MCU: variants seen among roughly 807,000 people sequenced by gnomAD.
MCU encodes mitochondrial calcium uniporter, also known as calcium uniporter protein, mitochondrial.
MCU carries 12 observed loss-of-function variants against 45.2 expected under a neutral mutation model. The observed-to-expected ratio is 0.27, with a 90% CI of 0.17 to 0.43. The LOEUF (loss-of-function observed/expected upper bound fraction) is 0.43. Among genes scored for constraint, MCU ranks in the 20% least tolerant of loss-of-function variants. MCU has a pLI of 1.00. For synonymous variants in MCU, 160 were observed against 165.1 expected (o/e 0.97, Z 0.24); for missense variants, 324 against 436.7 (o/e 0.74, Z 2.30).
chr10:72,742,383 A>G (rs1264832205), intron 1 of MCU, among the ~76,000 whole-genome samples: 4 of 152,132 alleles, frequency 2.6e-5, no homozygotes, highest in Non-Finnish European at 5.9e-5. Flanking sequence ...CATCTTTGTC[A>G]TCATAGGGTT....
chr10:72,752,844 G>C (rs1219957781), intron 1 of MCU, among the ~76,000 whole-genome samples: 1 of 152,190 alleles, frequency 6.6e-6, no homozygotes, highest in Non-Finnish European at 1.5e-5. Flanking sequence ...GGTGGAAGGA[G>C]CCCTTCTTAA....
At chr10:72,759,687 G>A (rs1435102892) in intron 1 of MCU, among the ~76,000 whole-genome samples, 1 of 152,058 alleles carries the variant, frequency 6.6e-6, no homozygotes, top group Non-Finnish European at 1.5e-5. Context: ...CATATTATAG[G>A]GTTGAAGCCT....
At chr10:72,762,461 T>C (rs1843669319) in intron 1 of MCU, among the ~76,000 whole-genome samples, 1 of 151,950 alleles carries the variant, frequency 6.6e-6, no homozygotes, top group Admixed American at 6.6e-5. Context: ...TACATGCAAG[T>C]TCCATGGAAA....
intron 1 of MCU, among the ~76,000 whole-genome samples, chr10:72,822,824 A>G (rs1844734212): frequency 6.6e-6 from 1 of 152,060 alleles, no homozygotes; most frequent in African/African-American, 2.4e-5. Context: ...TGGGCAACAC[A>G]GTGAGACCCT....
At chr10:72,693,458 A>G (rs184158196) in intron 1 of MCU, among the ~76,000 whole-genome samples, 21 of 152,282 alleles carry the variant, frequency 1.4e-4, no homozygotes, top group Admixed American at 5.2e-4. Context: ...TCAACCCTCA[A>G]TAAACACATC....
chr10:72,820,814 G>A (rs769029595), intron 1 of MCU, among the ~76,000 whole-genome samples: 4 of 151,972 alleles, frequency 2.6e-5, no homozygotes, highest in Non-Finnish European at 5.9e-5. Flanking sequence ...GCCCGGCCTG[G>A]TTAGTATTTT....
chr10:72,771,846 A>G (rs142355070), intron 1 of MCU, among the ~76,000 whole-genome samples: 66 of 152,260 alleles, frequency 4.3e-4, no homozygotes, highest in African/African-American at 1.3e-3. Context: ...TACTGGCCCC[A>G]GTAGGGCCAC....
At chr10:72,842,627 C>G (rs1434411793) in intron 2 of MCU, among the ~76,000 whole-genome samples, 1 of 151,994 alleles carries the variant, frequency 6.6e-6, no homozygotes, top group African/African-American at 2.4e-5. Flanking sequence ...CATGTTCTTT[C>G]CTCTTGAATT....
chr10:72,707,611 GT>G (rs1842840236), intron 1 of MCU, among the ~76,000 whole-genome samples: 2 of 132,214 alleles, frequency 1.5e-5, no homozygotes, highest in Non-Finnish European at 3.2e-5. Context: ...TGAGTGGTGT[GT>G]GTGTGTGTGT....
chr10:72,776,709 C>T (rs558915590), intron 1 of MCU, among the ~76,000 whole-genome samples: 2 of 151,198 alleles, frequency 1.3e-5, no homozygotes, highest in East Asian at 3.9e-4. Flanking sequence ...TACTAGAAGT[C>T]CTGGCCAGAG....
intron 1 of MCU, among the ~76,000 whole-genome samples, chr10:72,807,453 T>C (rs1844469586): frequency 6.6e-6 from 1 of 152,152 alleles, no homozygotes; most frequent in Non-Finnish European, 1.5e-5. Context: ...CTAATGAAAT[T>C]TGCTTAAGTT....
intron 1 of MCU, among the ~76,000 whole-genome samples, chr10:72,740,624 A>C (rs963224709): frequency 5.3e-5 from 8 of 152,068 alleles, no homozygotes; most frequent in Non-Finnish European, 8.8e-5. Context: ...TTGTATTCCT[A>C]TTTATATTTT....
At chr10:72,751,598 C>T (rs1034219309) in intron 1 of MCU, among the ~76,000 whole-genome samples, 43 of 151,550 alleles carry the variant, frequency 2.8e-4, no homozygotes, top group African/African-American at 9.5e-4. Flanking sequence ...TCAAGTGATC[C>T]GCCCACCTTG....
chr10:72,742,447 C>T (rs372420983), intron 1 of MCU, among the ~76,000 whole-genome samples: 2 of 152,146 alleles, frequency 1.3e-5, no homozygotes, highest in South Asian at 4.1e-4. Flanking sequence ...GCCATTTCCC[C>T]CTAGAGGTTC....
chr10:72,846,469 C>T (rs996592091), intron 2 of MCU, among the ~76,000 whole-genome samples: 9 of 152,178 alleles, frequency 5.9e-5, no homozygotes, highest in South Asian at 2.1e-4. Flanking sequence ...ATATGCTACT[C>T]GCGCATTAGT....
intron 1 of MCU, among the ~76,000 whole-genome samples, chr10:72,763,450 C>A: frequency 6.6e-6 from 1 of 151,812 alleles, no homozygotes; most frequent in South Asian, 2.1e-4. Flanking sequence ...GGCATTTGAG[C>A]TAAGGGGAGC....
At chr10:72,790,557 T>C (rs1227412586) in intron 1 of MCU, among the ~76,000 whole-genome samples, 1 of 152,234 alleles carries the variant, frequency 6.6e-6, no homozygotes, top group African/African-American at 2.4e-5. Flanking sequence ...TGAATTCTAT[T>C]ATCTTGTGGA....
At chr10:72,737,510 CT>C (rs1843267225) in intron 1 of MCU, among the ~76,000 whole-genome samples, 1 of 149,540 alleles carries the variant, frequency 6.7e-6, no homozygotes, top group Admixed American at 6.7e-5. Flanking sequence ...GTTATTTCCC[CT>C]TTTTCTTTCC....
intron 1 of MCU, among the ~76,000 whole-genome samples, chr10:72,716,386 A>T (rs1213819126): frequency 6.6e-6 from 1 of 152,264 alleles, no homozygotes; most frequent in African/African-American, 2.4e-5. Context: ...TGCAATATGC[A>T]TAGTGGTATG....
Sources: allele counts gnomAD v4.1 joint callset (sites outside exome capture counted in the v4.1 genomes callset), GRCh38; gene constraint gnomAD v4.1.1; transcripts MANE v1.5; gene names NCBI Gene and HGNC (gene_info 2026-07-23, HGNC 2026-07-21).